CDK5RAP2: variants seen among roughly 807,000 people sequenced by gnomAD.
The protein encoded by CDK5RAP2 is CDK5 regulatory subunit associated protein 2.
In CDK5RAP2, 147 loss-of-function variants were observed where a neutral mutation model predicts 232.9. The observed-to-expected ratio is 0.63, with a 90% confidence interval of 0.55 to 0.72. The LOEUF is 0.72. CDK5RAP2 is among the 30% of genes least tolerant of loss of function. CDK5RAP2 has a pLI of 0.00. For synonymous variants in CDK5RAP2, 833 were observed against 833.7 expected (o/e 1.00, Z 0.01); for missense variants, 2,195 against 2,231.5 (o/e 0.98, Z 0.33).
chr9:120,529,488 C>T (rs1207380411), intron 8 of CDK5RAP2, among the ~76,000 whole-genome samples: 2 of 152,180 alleles, frequency 1.3e-5, no homozygotes, highest in African/African-American at 4.8e-5. Context: ...AGACCATGAG[C>T]TCTACCTTGC....
At position 120,389,293 on chromosome 9, in the gene CDK5RAP2, C is replaced by G. The variant is rs781451356; in HGVS notation, c.5626-1G>C. The stretch of plus-strand genomic sequence containing the variant: ...CTGGATGGGCTCCCCCAGGCCTAAG[C>G]TAGGAAAAGGAAGAAAAAAAAGGAG... On this transcript the variant is annotated splice_acceptor_variant, in intron 37 of 37. Transcript: ENST00000349780. LOFTEE classifies it high-confidence loss of function. The G allele has an allele frequency of 8.7e-6, 14 of 1,611,468 alleles. No homozygotes were observed. The highest frequency in any genetic ancestry group is 1.2e-5 in the Non-Finnish European group (14 of 1,178,696).
chr9:120,458,985 C>G (rs1415881522), intron 19 of CDK5RAP2, among the ~76,000 whole-genome samples: 2 of 152,202 alleles, frequency 1.3e-5, no homozygotes, highest in African/African-American at 2.4e-5. Flanking sequence ...ACTACAGGTG[C>G]ACAATGGAAA....
chr9:120,458,747 G>T (rs2036925522), intron 19 of CDK5RAP2, 125 bp from the exon 20 acceptor site: 4 of 845,468 alleles, frequency 4.7e-6, no homozygotes, highest in Non-Finnish European at 7.8e-6. Context: ...GAGCCAGAGA[G>T]AAACAGAAAA....
chr9:120,441,710 T>TC (rs2035908733), intron 23 of CDK5RAP2, among the ~76,000 whole-genome samples: 1 of 152,342 alleles, frequency 6.6e-6, no homozygotes, highest in Non-Finnish European at 1.5e-5. Context: ...TTGTATCTGT[T>TC]CATGATGCAA....
At chr9:120,407,403 C>A in intron 31 of CDK5RAP2, 155 bp from the exon 32 acceptor site, 2 of 672,890 alleles carry the variant, frequency 3.0e-6, no homozygotes, top group African/African-American at 1.8e-5. Flanking sequence ...ACTTTAGAAA[C>A]AAAAATATTG....
intron 8 of CDK5RAP2, 134 bp downstream of exon 8, chr9:120,529,844 C>A (rs753571887): frequency 2.1e-5 from 18 of 852,306 alleles, no homozygotes; most frequent in Non-Finnish European, 3.6e-5. Flanking sequence ...TTTCTGCTCA[C>A]TCCTCAGCTG....
At chr9:120,514,796 T>C (rs1458545097) in intron 12 of CDK5RAP2, among the ~76,000 whole-genome samples, 1 of 152,116 alleles carries the variant, frequency 6.6e-6, no homozygotes, top group East Asian at 1.9e-4. Context: ...TTCCACTCCT[T>C]CCCAAATACC....
At chr9:120,505,356 AT>A (rs1348334508) in intron 12 of CDK5RAP2, among the ~76,000 whole-genome samples, 1 of 152,198 alleles carries the variant, frequency 6.6e-6, no homozygotes, top group East Asian at 1.9e-4. Context: ...ATAAAAGTGT[AT>A]TCCAAGAGCT....
At chr9:120,496,890 A>G (rs1385356220) in intron 12 of CDK5RAP2, among the ~76,000 whole-genome samples, 1 of 141,304 alleles carries the variant, frequency 7.1e-6, no homozygotes, top group Admixed American at 6.8e-5. Flanking sequence ...CTGCCCGGCC[A>G]CCACCCTGTC....
At position 120,397,544 on chromosome 9, in the gene CDK5RAP2, T is replaced by TAAAAAAAAA. The variant is rs760469422; in HGVS notation, c.5452-2915_5452-2907dup. On this transcript the variant is annotated intron_variant, in intron 35 of 37. Transcript: ENST00000349780. ...ACCATCCCGGCCATAAAAACATTCT[T>TAAAAAAAAA]AAAAAAAAAAAAAAAAAAAAAGAAA... Among the ~76,000 whole-genome samples the TAAAAAAAAA allele has an allele frequency of 1.4e-4, 7 of 49,084 alleles. 1 individual carries two copies. The East Asian group carries it at 1.6e-3, about 11-fold the overall frequency. 32.2% of individuals were successfully genotyped at this position (49,084 alleles called of 152,430 possible).
chr9:120,407,199 G>A lies in CDK5RAP2; in HGVS notation c.4776C>T (p.His1592=), dbSNP rs374793213. 22 of 1,613,610 alleles carry A rather than the reference G, an allele frequency of 1.4e-5. No individual in the cohort carries two copies. The highest frequency in any genetic ancestry group is 5.0e-5 in the Admixed American group (3 of 60,004). Residue 1592 remains histidine (H), a synonymous_variant, in exon 32 of 38, where the codon CAC becomes CAT. Coordinates refer to ENST00000349780, the MANE Select transcript of CDK5RAP2 (RefSeq NM_018249.6). ...GAGCCTGGATCTCCATCAGGAGGCT[G>A]TGCAGGTCCCTGAAAGGATCCTGCC... ...WKGQDPFRDL[H]SLLMEIQALR... is the part of the protein sequence containing the mutation.
In CDK5RAP2 at chr9:120,401,020, A is replaced by G. The variant is rs146713841; in HGVS notation, c.5308-135T>C. The G allele has an allele frequency of 2.7e-4, 222 of 830,068 alleles. 1 individual carries two copies. The East Asian group carries it at 4.9e-3, about 18-fold the overall frequency. 51.4% of individuals were successfully genotyped at this position (830,068 alleles called of 1,614,324 possible). On this transcript the variant is annotated intron_variant, in intron 34 of 37. Transcript: ENST00000349780. ...GCTGAGCGAAAGCCTGGTACCACAT[A>G]ACACCAATTTATTGTTCTTAAAGAC...
At chr9:120,541,120 C>T (rs923356349) in intron 5 of CDK5RAP2, among the ~76,000 whole-genome samples, 1 of 152,270 alleles carries the variant, frequency 6.6e-6, no homozygotes, top group Admixed American at 6.5e-5. Context: ...AGGATTTCTC[C>T]AGGAATGAAT....
At chr9:120,491,114 C>T (rs1313075984) in intron 13 of CDK5RAP2, among the ~76,000 whole-genome samples, 193 bp downstream of exon 13, 1 of 152,138 alleles carries the variant, frequency 6.6e-6, no homozygotes, top group Non-Finnish European at 1.5e-5. Context: ...TATGTTTCTT[C>T]CCTTCTCTGA....
At chr9:120,404,844 A>G (rs1467076887) in intron 32 of CDK5RAP2, among the ~76,000 whole-genome samples, 1 of 152,248 alleles carries the variant, frequency 6.6e-6, no homozygotes, top group African/African-American at 2.4e-5. Flanking sequence ...TAGATGCTGT[A>G]CAGATGACCT....
intron 12 of CDK5RAP2, among the ~76,000 whole-genome samples, chr9:120,513,837 A>T (rs1056203453): frequency 1.3e-5 from 2 of 152,244 alleles, no homozygotes; most frequent in African/African-American, 4.8e-5. Flanking sequence ...TCAATCCAAA[A>T]GCAACACCTG....
intron 12 of CDK5RAP2, among the ~76,000 whole-genome samples, chr9:120,511,383 A>G (rs1226674352): frequency 6.6e-6 from 1 of 152,210 alleles, no homozygotes; most frequent in Non-Finnish European, 1.5e-5. Flanking sequence ...CTTGTCCAAG[A>G]AAAGAGAATA....
intron 18 of CDK5RAP2, among the ~76,000 whole-genome samples, chr9:120,464,306 C>G (rs1447342013): frequency 6.6e-6 from 1 of 152,120 alleles, no homozygotes; most frequent in Non-Finnish European, 1.5e-5. Flanking sequence ...CTACAACTCC[C>G]TTGAGACTCT....
In CDK5RAP2 at chr9:120,402,981, C is replaced by T. The variant is rs560602446; in HGVS notation, c.5132G>A (p.Arg1711His). 2.0e-5 allele frequency: 32 copies of T among 1,614,020 alleles called. No homozygotes were observed. The highest frequency in any genetic ancestry group is 1.8e-4 in the East Asian group (8 of 44,894). Residue 1711 changes from arginine (R) to histidine (H), a missense_variant, in exon 34 of 38, where the codon CGC becomes CAC. Arg to His is a conservative substitution (Grantham distance 29). Transcript: ENST00000349780. Reference protein sequence around the residue: ...SSATSTPCVSRLVTGHHLWAS... With the variant: ...SSATSTPCVSHLVTGHHLWAS... ...CCACAGGTGGTGGCCAGTGACCAGG[C>T]GGGACACACACGGAGTGCTAGTTGC... is the stretch of plus-strand genomic sequence containing the variant.
Sources: gnomAD v4.1 joint callset for allele counts (sites outside exome capture counted in the v4.1 genomes callset) on GRCh38, gnomAD v4.1.1 for gene constraint, MANE v1.5 for transcripts, NCBI Gene and HGNC (gene_info 2026-07-23, HGNC 2026-07-21) for gene names.